The following TENM3 variants were observed in gnomAD, a reference collection of about 807,000 sequenced individuals.
TENM3 encodes teneurin-3.
In TENM3, 63 loss-of-function variants were observed where a neutral mutation model predicts 255.1. The ratio of observed to expected loss-of-function variants is 0.25; its 90% CI spans 0.20 to 0.30. The LOEUF (loss-of-function observed/expected upper bound fraction) is 0.30, where lower values mean the gene tolerates loss of function less well. TENM3 is among the 10% of genes least tolerant of loss of function. The pLI is 1.00. For missense variants in TENM3, 2,929 were observed against 3,461.1 expected (o/e 0.85, Z 3.86); for synonymous variants, 1,306 against 1,322.3 (o/e 0.99, Z 0.27).
At chr4:182,577,764 A>T (rs1207380669) in intron 3 of TENM3, among the ~76,000 whole-genome samples, 2 of 152,160 alleles carry the variant, frequency 1.3e-5, no homozygotes, top group Non-Finnish European at 2.9e-5. Context: ...AATAGTACTT[A>T]TTTATCCAGT....
intron 3 of TENM3, among the ~76,000 whole-genome samples, chr4:182,381,341 C>T (rs556065199): frequency 2.0e-5 from 3 of 152,108 alleles, no homozygotes; most frequent in Non-Finnish European, 2.9e-5. Flanking sequence ...GAGGAGGGAC[C>T]ATGGGATGCA....
At position 182,775,150 on chromosome 4, in the gene TENM3, C is replaced by G. The variant is rs779826820; in HGVS notation, c.5301C>G (p.Leu1767=). 1 of 1,613,848 alleles carries G rather than the reference C, an allele frequency of 6.2e-7. No homozygotes were observed. Among genetic ancestry groups the G allele is most frequent in the South Asian group, 1.1e-5 (1 of 91,082 alleles). ...AAGTCAATGTCTTTGGCCGCAAGCTCAGGGTACGTACGTGTTGTGGAGCAG... is the reference window on the plus strand; with the variant it reads ...AAGTCAATGTCTTTGGCCGCAAGCTGAGGGTACGTACGTGTTGTGGAGCAG... ...QGKVNVFGRK[L]RVNGRNLLSV... is the part of the protein sequence containing the mutation. The change falls in exon 24 of 28, where the codon CTC becomes CTG. Residue 1767 remains leucine, a synonymous_variant. Transcript: ENST00000511685.
Position 182,754,501 on chromosome 4 carries a change from T to G in TENM3, c.4134T>G (p.Ala1378=). The G allele has an allele frequency of 3.7e-6, 6 of 1,613,876 alleles. No homozygotes were observed. Among genetic ancestry groups the G allele is most frequent in the Non-Finnish European group, 5.1e-6 (6 of 1,179,826 alleles). ...ITENRQVRIA[A]GRPMHCQVPG... is the part of the protein sequence containing the mutation. ...AAAATCGTCAAGTTCGCATTGCTGC[T>G]GGACGGCCCATGCACTGTCAGGTTC... The change falls in exon 22 of 28, where the codon GCT becomes GCG. Residue 1378 remains alanine (A), a synonymous_variant. Transcript: ENST00000511685. The surrounding 1 kb of genome is among the most constrained non-coding windows in gnomAD (Gnocchi z 5.1).
chr4:182,192,122 G>A (rs1753562667), intron 1 of TENM3, among the ~76,000 whole-genome samples: 1 of 151,992 alleles, frequency 6.6e-6, no homozygotes, highest in African/African-American at 2.4e-5. Context: ...ATTCAAATTG[G>A]CATCCACAAA....
the TENM3 span, among the ~76,000 whole-genome samples, chr4:181,898,394 T>C: frequency 6.6e-6 from 1 of 152,208 alleles, no homozygotes; most frequent in Non-Finnish European, 1.5e-5. Flanking sequence ...TCTTCTATAT[T>C]TATATCTAAA....
chr4:181,605,557 AG>A, the TENM3 span, among the ~76,000 whole-genome samples: 3 of 28,752 alleles, frequency 1.0e-4, no homozygotes, highest in Non-Finnish European at 3.1e-4. Flanking sequence ...AAAGAAAGAA[AG>A]AAAGAAAGAA....
the TENM3 span, among the ~76,000 whole-genome samples, chr4:181,705,356 C>T: frequency 6.6e-6 from 1 of 152,176 alleles, no homozygotes; most frequent in Non-Finnish European, 1.5e-5. Context: ...AGTCTGACAT[C>T]TTTTCTGTGT....
chr4:182,393,390 G>A (rs1370703829), intron 3 of TENM3, among the ~76,000 whole-genome samples: 1 of 152,106 alleles, frequency 6.6e-6, no homozygotes, highest in African/African-American at 2.4e-5. Context: ...CATACACAGA[G>A]ATAAAATAAG....
chr4:182,161,432 A>C (rs1214010146), intron 1 of TENM3, among the ~76,000 whole-genome samples: 3 of 107,588 alleles, frequency 2.8e-5, no homozygotes, highest in Non-Finnish European at 3.9e-5. Context: ...AAAAAAAAAA[A>C]AAAAATTAGC....
At chr4:181,890,837 A>C in the TENM3 span, among the ~76,000 whole-genome samples, 3 of 152,172 alleles carry the variant, frequency 2.0e-5, no homozygotes, top group Non-Finnish European at 2.9e-5. Context: ...GGGTTGCTCA[A>C]CTACGGAGAA....
chr4:181,553,501 G>A, the TENM3 span, among the ~76,000 whole-genome samples: 1 of 151,890 alleles, frequency 6.6e-6, no homozygotes, highest in African/African-American at 2.4e-5. Flanking sequence ...GAGTGCAGGG[G>A]CGCGATCTCG....
At chr4:182,610,351 T>C (rs1748874417) in intron 4 of TENM3, among the ~76,000 whole-genome samples, 2 of 152,174 alleles carry the variant, frequency 1.3e-5, no homozygotes, top group African/African-American at 4.8e-5. Context: ...TTGAGAAAGA[T>C]AGATTCTATT....
the TENM3 span, among the ~76,000 whole-genome samples, chr4:181,684,850 G>A: frequency 4.6e-5 from 7 of 151,372 alleles, no homozygotes; most frequent in Admixed American, 1.3e-4. Context: ...GAACTCCTGG[G>A]CTCAAGTATT....
chr4:182,608,721 C>T (rs1484036487), intron 4 of TENM3, among the ~76,000 whole-genome samples: 1 of 152,112 alleles, frequency 6.6e-6, no homozygotes, highest in Non-Finnish European at 1.5e-5. Context: ...GGGCTAGGAC[C>T]CAGCACTGGC....
chr4:181,888,543 T>TATATATGTATATATATAC, the TENM3 span, among the ~76,000 whole-genome samples: 12 of 115,912 alleles, frequency 1.0e-4, 1 homozygote, highest in Non-Finnish European at 1.7e-4. Context: ...TGTGTATATA[T>TATATATGTATATATATAC]ATATATGTAT....
chr4:182,581,338 T>C (rs1745473395), intron 3 of TENM3, among the ~76,000 whole-genome samples: 1 of 152,224 alleles, frequency 6.6e-6, no homozygotes, highest in Admixed American at 6.5e-5. Flanking sequence ...AATAATGCTG[T>C]CTCAAATATT....
chr4:181,457,305 G>A, the TENM3 span, among the ~76,000 whole-genome samples: 888 of 151,904 alleles, frequency 5.8e-3, 2 homozygotes, highest in Middle Eastern at 0.02. Context: ...CTCCTTCAGT[G>A]AGCGGCTTAG....
At chr4:182,273,808 G>A (rs1468627260) in intron 1 of TENM3, among the ~76,000 whole-genome samples, 3 of 152,210 alleles carry the variant, frequency 2.0e-5, no homozygotes, top group Non-Finnish European at 4.4e-5. Flanking sequence ...ATTGAGAAGT[G>A]TGAAGGAATG....
At chr4:182,783,597 TGG>T (rs1382508477) in intron 24 of TENM3, among the ~76,000 whole-genome samples, 3 of 149,390 alleles carry the variant, frequency 2.0e-5, no homozygotes, top group East Asian at 4.0e-4. Flanking sequence ...ATCTGAACGT[TGG>T]CCTGCCTTGC....
Sources: allele counts gnomAD v4.1 joint callset (sites outside exome capture counted in the v4.1 genomes callset), GRCh38; gene constraint gnomAD v4.1.1; non-coding constraint Gnocchi (gnomAD v3.1); transcripts MANE v1.5; gene names NCBI Gene and HGNC (gene_info 2026-07-23, HGNC 2026-07-21).